ARHGAP26: variants seen among roughly 807,000 people sequenced by gnomAD.
The protein encoded by ARHGAP26 is rho GTPase-activating protein 26.
In ARHGAP26, 38 loss-of-function variants were observed where a neutral mutation model predicts 104.8. That is an observed-to-expected ratio of 0.36 (90% CI 0.28 to 0.48). ARHGAP26 has a LOEUF of 0.48. Ranked by LOEUF, ARHGAP26 falls within the 20% of genes least tolerant of loss-of-function variation. The probability of loss-of-function intolerance (pLI) is 0.99; values close to 1 mark genes in which losing one functional copy is unlikely to be tolerated. For missense variants in ARHGAP26, 704 were observed against 947.9 expected, an observed-to-expected ratio of 0.74 and a Z score of 3.38; for synonymous variants, 341 against 340.0, an observed-to-expected ratio of 1.00 and a Z score of -0.03.
intron 11 of ARHGAP26, among the ~76,000 whole-genome samples, chr5:142,936,108 A>AACACACACAC (rs149919795): frequency 0.045 from 6,346 of 139,706 alleles, 236 homozygotes; most frequent in East Asian, 0.16. Context: ...AATCCCAAGG[A>AACACACACAC]ACACACACAC....
chr5:142,903,617 C>T lies in ARHGAP26; in HGVS notation c.780C>T (p.His260=). The part of the protein sequence containing the change: ...MKKMKENPLE[H]KTISPYTMEG... ...AGATGAAGGAGAATCCCCTTGAGCA[C>T]AAGACCATCAGTCCCTACACCATGG... The change falls in exon 8 of 23, where the codon CAC becomes CAT. Residue 260 remains histidine, a synonymous_variant. Transcript: ENST00000645722. 2 of 1,614,032 alleles carry T rather than the reference C, an allele frequency of 1.2e-6. No individual in the cohort carries two copies. The highest frequency in any genetic ancestry group is 1.7e-6 in the Non-Finnish European group (2 of 1,179,946).
intron 1 of ARHGAP26, among the ~76,000 whole-genome samples, chr5:142,797,848 T>C (rs1431932080): frequency 1.3e-5 from 2 of 152,216 alleles, no homozygotes; most frequent in Admixed American, 1.3e-4. Context: ...TGCATCCAGA[T>C]TGCCTGGGGA....
intron 17 of ARHGAP26, among the ~76,000 whole-genome samples, chr5:143,066,032 A>T (rs1023555024): frequency 6.6e-6 from 1 of 152,208 alleles, no homozygotes; most frequent in Non-Finnish European, 1.5e-5. Context: ...CTTTATGTAC[A>T]GTCATGCGCC....
intron 20 of ARHGAP26, among the ~76,000 whole-genome samples, chr5:143,157,370 G>A (rs992822895): frequency 2.6e-5 from 4 of 151,870 alleles, no homozygotes; most frequent in African/African-American, 4.8e-5. Flanking sequence ...CAGAGACAGC[G>A]TTTCACCATG....
chr5:143,160,509 A>G (rs1293122161), intron 20 of ARHGAP26, among the ~76,000 whole-genome samples: 1 of 149,492 alleles, frequency 6.7e-6, no homozygotes, highest in Non-Finnish European at 1.5e-5. Context: ...CTTTTTAGAC[A>G]GGGTCTCACT....
chr5:142,780,041 A>C lies in ARHGAP26; in HGVS notation c.154+9126A>C, dbSNP rs77356148. ...TCCTGATCCCCACTTCTTCCTCTGG[A>C]GGCATTTTATTGGTTTCTTTGGTAT... is the stretch of plus-strand genomic sequence containing the variant. On this transcript the variant is annotated intron_variant, in intron 1 of 22. Coordinates refer to ENST00000645722, the MANE Select transcript of ARHGAP26 (RefSeq NM_001135608.3). Among the ~76,000 whole-genome samples the C allele has an allele frequency of 7.8e-3, 1,192 of 152,276 alleles. 18 individuals are homozygous for C. The highest frequency in any genetic ancestry group is 0.033 in the East Asian group (171 of 5,190).
intron 10 of ARHGAP26, among the ~76,000 whole-genome samples, chr5:142,916,257 G>T (rs1762472760): frequency 6.6e-6 from 1 of 152,180 alleles, no homozygotes; most frequent in Non-Finnish European, 1.5e-5. Flanking sequence ...TTTTAAGATT[G>T]AATACATTTA....
At chr5:143,177,028 C>T (rs258759) in intron 20 of ARHGAP26, among the ~76,000 whole-genome samples, 24,768 of 152,202 alleles carry the variant, frequency 0.16, 2,437 homozygotes, top group East Asian at 0.4. Context: ...TTACTTTGAA[C>T]AAGCCATTTG....
chr5:143,172,007 CT>C, intron 20 of ARHGAP26, among the ~76,000 whole-genome samples: 1 of 152,160 alleles, frequency 6.6e-6, no homozygotes. Context: ...TAAGTGATGA[CT>C]TTACAGTGTG....
At chr5:143,221,702 T>C (rs1811163331) in intron 22 of ARHGAP26, among the ~76,000 whole-genome samples, 1 of 152,126 alleles carries the variant, frequency 6.6e-6, no homozygotes, top group Admixed American at 6.5e-5. Context: ...TTTGTATATT[T>C]TGTAGAGACA....
chr5:142,808,236 GAAAAAAAAAAAAAAAAAAAAAAAAAAA>G lies in ARHGAP26; in HGVS notation c.154+37335_154+37361del, dbSNP rs58550799. 1.3e-3 allele frequency among the ~76,000 whole-genome samples: 42 copies of G among 32,678 alleles called. 2 individuals carry two copies. The highest frequency in any genetic ancestry group is 0.012 in the Admixed American group (28 of 2,290). 21.4% of individuals were successfully genotyped at this position (32,678 alleles called of 152,430 possible). On this transcript the variant is annotated intron_variant, in intron 1 of 22. Coordinates refer to ENST00000645722, the MANE Select transcript of ARHGAP26 (RefSeq NM_001135608.3). ...GGCAACAGAGTGAGACATTGTCTCGGAAAAAAAAAAAAAAAAAAAAAAAAAAAAAAAAAAAAAAAATGTTGTATTTTA... is the reference window on the plus strand; with the variant it reads ...GGCAACAGAGTGAGACATTGTCTCGGAAAAAAAAAAAAATGTTGTATTTTA...
chr5:142,850,078 C>A (rs1751212625), intron 1 of ARHGAP26, among the ~76,000 whole-genome samples: 1 of 152,224 alleles, frequency 6.6e-6, no homozygotes, highest in African/African-American at 2.4e-5. Flanking sequence ...GCTCTGCTGC[C>A]TCCTGCAGCC....
intron 17 of ARHGAP26, among the ~76,000 whole-genome samples, chr5:143,099,285 C>G (rs912789279): frequency 1.3e-5 from 2 of 152,134 alleles, no homozygotes; most frequent in Non-Finnish European, 2.9e-5. Context: ...AGGACCTAAG[C>G]TGACAACATA....
chr5:142,921,175 C>A, intron 10 of ARHGAP26, among the ~76,000 whole-genome samples: 2 of 151,846 alleles, frequency 1.3e-5, no homozygotes, highest in Non-Finnish European at 2.9e-5. Context: ...CAACTCTATT[C>A]TTCTTCTTCC....
At chr5:143,128,107 A>G (rs1019075030) in intron 18 of ARHGAP26, among the ~76,000 whole-genome samples, 9 of 152,214 alleles carry the variant, frequency 5.9e-5, no homozygotes, top group Non-Finnish European at 1.0e-4. Flanking sequence ...CTTCTGCCAC[A>G]GGGCTATTTT....
At chr5:142,799,192 T>G (rs1761575554) in intron 1 of ARHGAP26, among the ~76,000 whole-genome samples, 1 of 144,984 alleles carries the variant, frequency 6.9e-6, no homozygotes, top group South Asian at 2.1e-4. Context: ...CTGTGGTGGG[T>G]TTTTTTTTTG....
At chr5:142,935,967 T>G (rs1335535778) in intron 11 of ARHGAP26, among the ~76,000 whole-genome samples, 1 of 152,078 alleles carries the variant, frequency 6.6e-6, no homozygotes, top group African/African-American at 2.4e-5. Flanking sequence ...CTGTCACCAC[T>G]CTTACTCAGC....
chr5:143,041,840 G>T lies in ARHGAP26; in HGVS notation c.1235G>T (p.Arg412Leu). ...TRGINEQGLY[R>L]IVGVNSRVQK... Reference sequence around the variant, plus strand: ...GGGATCAACGAGCAAGGGCTGTATCGAATTGTGGGTGTCAACTCCAGAGTG... The same window carrying T: ...GGGATCAACGAGCAAGGGCTGTATCTAATTGTGGGTGTCAACTCCAGAGTG... Residue 412 changes from arginine to leucine, a missense_variant, in exon 14 of 23, where the codon CGA (arginine) becomes CTA (leucine). Arg to Leu is a moderately radical substitution (Grantham distance 102, BLOSUM62 -2). Transcript: ENST00000645722. The T allele has an allele frequency of 6.2e-7, 1 of 1,606,010 alleles. No homozygotes were observed.
chr5:142,996,862 A>G (rs1299840474), intron 11 of ARHGAP26, among the ~76,000 whole-genome samples: 1 of 151,588 alleles, frequency 6.6e-6, no homozygotes, highest in Non-Finnish European at 1.5e-5. Context: ...GCTTATAGAA[A>G]GAGAGAGAGA....
Sources: gnomAD v4.1 joint callset for allele counts (sites outside exome capture counted in the v4.1 genomes callset) on GRCh38, gnomAD v4.1.1 for gene constraint, MANE v1.5 for transcripts, NCBI Gene and HGNC (gene_info 2026-07-23, HGNC 2026-07-21) for gene names.